Variants in POM121C observed in about 807,000 individuals in gnomAD.
POM121C encodes the protein POM121 transmembrane nucleoporin C.
A neutral mutation model predicts 66.4 loss-of-function variants in POM121C; 20 were observed. The ratio of observed to expected loss-of-function variants is 0.30; its 90% confidence interval spans 0.21 to 0.44. POM121C has a LOEUF of 0.44. Ranked by LOEUF, POM121C falls within the 20% of genes least tolerant of loss-of-function variation. The probability of loss-of-function intolerance (pLI) is 1.00; values close to 1 mark genes in which losing one functional copy is unlikely to be tolerated. For missense variants in POM121C, 580 were observed against 1,225.7 expected (o/e 0.47, Z 7.87); for synonymous variants, 286 against 528.0 (o/e 0.54, Z 6.28).
intron 1 of POM121C, among the ~76,000 whole-genome samples, chr7:75,476,653 T>C (rs1792089575): frequency 6.6e-6 from 1 of 151,616 alleles, no homozygotes; most frequent in Admixed American, 6.6e-5. Context: ...GTTAACTTAG[T>C]CCAGAAGGCA....
At chr7:75,465,544 G>C (rs1352535391) in intron 3 of POM121C, among the ~76,000 whole-genome samples, 6 of 151,600 alleles carry the variant, frequency 4.0e-5, no homozygotes, top group Non-Finnish European at 7.4e-5. Context: ...CATGCGGTCA[G>C]GAGTTCGAGA....
At chr7:75,434,199 C>CA (rs1171471058) in intron 7 of POM121C, among the ~76,000 whole-genome samples, 1 of 152,158 alleles carries the variant, frequency 6.6e-6, no homozygotes, top group Non-Finnish European at 1.5e-5. Flanking sequence ...AACTAAGACT[C>CA]ACGGAAACAG....
intron 3 of POM121C, among the ~76,000 whole-genome samples, chr7:75,457,636 T>C (rs1554476479): frequency 2.7e-5 from 4 of 149,600 alleles, no homozygotes; most frequent in African/African-American, 7.4e-5. Flanking sequence ...CAAGACTGTG[T>C]GGAAGGGCCC....
intron 7 of POM121C, among the ~76,000 whole-genome samples, chr7:75,433,517 A>G (rs13245246): frequency 0.18 from 26,677 of 151,716 alleles, 2,675 homozygotes; most frequent in Middle Eastern, 0.29. Flanking sequence ...CACCACGCCC[A>G]GCTAATTTTT....
rs1790472805 is a variant in POM121C, at chr7:75,437,795, C to T, written c.309-109G>A. 22 of 1,399,754 alleles carry T rather than the reference C, an allele frequency of 1.6e-5. No individual in the cohort carries two copies. In the South Asian group the frequency reaches 3.3e-4, roughly 21 times the overall value. The allele number at this position is 1,399,754 out of a possible 1,614,324, so 86.7% of individuals were successfully genotyped here. A position where few individuals can be genotyped will look rare whatever the true frequency, so the allele number is the denominator to read the frequency against. ...ATAACATGAAGGGAAGAGAATAATG[C>T]TTTTAATTTTTACTGCTAACAATCT... On this transcript the variant is annotated intron_variant, in intron 6 of 14. Coordinates refer to ENST00000615331, the MANE Select transcript of POM121C (RefSeq NM_001099415.3).
At chr7:75,454,211 T>C (rs1554476051) in intron 3 of POM121C, among the ~76,000 whole-genome samples, 1 of 151,460 alleles carries the variant, frequency 6.6e-6, no homozygotes, top group African/African-American at 2.4e-5. Context: ...CTGCAGAAAA[T>C]AGCATCTGCC....
At chr7:75,449,879 G>A (rs1248743858) in intron 3 of POM121C, among the ~76,000 whole-genome samples, 6 of 152,138 alleles carry the variant, frequency 3.9e-5, no homozygotes, top group African/African-American at 1.2e-4. Context: ...GCCAGGCGTG[G>A]TGGCAGGTGC....
At chr7:75,481,905 CAAATCACAGCAATAGT>C (rs1554480179) in intron 1 of POM121C, among the ~76,000 whole-genome samples, 3 of 152,074 alleles carry the variant, frequency 2.0e-5, no homozygotes, top group Admixed American at 6.6e-5. Context: ...CTAATGAAGG[CAAATCACAGCAATAGT>C]AAATCACAGC....
chr7:75,477,949 TG>T (rs1263873363), intron 1 of POM121C, among the ~76,000 whole-genome samples: 11 of 152,152 alleles, frequency 7.2e-5, no homozygotes, highest in East Asian at 3.9e-4. Flanking sequence ...AGCAATGATT[TG>T]TTTTTTTGTT....
In POM121C at chr7:75,418,764, G is replaced by A; in HGVS notation, c.*32C>T. 6.4e-7 allele frequency: 1 copy of A among 1,564,950 alleles called. No individual in the cohort carries two copies. The highest frequency in any genetic ancestry group is 8.6e-7 in the Non-Finnish European group (1 of 1,159,284). On this transcript the variant is annotated 3_prime_UTR_variant, in exon 15 of 15. Coordinates refer to ENST00000615331, the MANE Select transcript of POM121C (RefSeq NM_001099415.3). ...CGTGCCAAGGTCCAGATTTAGGGAAGGGGTGGGGGGAACAGGGACAGGGGA... is the reference window on the plus strand; with the variant it reads ...CGTGCCAAGGTCCAGATTTAGGGAAAGGGTGGGGGGAACAGGGACAGGGGA...
chr7:75,439,720 G>C (rs1398930793), intron 5 of POM121C, among the ~76,000 whole-genome samples: 1 of 152,074 alleles, frequency 6.6e-6, no homozygotes, highest in Non-Finnish European at 1.5e-5. Context: ...AGTCCCATGA[G>C]AGCAGAGATT....
intron 7 of POM121C, among the ~76,000 whole-genome samples, chr7:75,433,004 G>A (rs1471562440): frequency 6.6e-6 from 1 of 152,084 alleles, no homozygotes; most frequent in African/African-American, 2.4e-5. Flanking sequence ...GGAGGCCAGG[G>A]CGGGTGGAAT....
intron 3 of POM121C, among the ~76,000 whole-genome samples, chr7:75,444,810 T>TAA (rs1186006417): frequency 1.5e-5 from 2 of 137,298 alleles, no homozygotes; most frequent in South Asian, 4.7e-4. Flanking sequence ...CAGTCTCTAC[T>TAA]AAAAAAAAAC....
At chr7:75,440,245 C>T (rs1790582829) in intron 5 of POM121C, among the ~76,000 whole-genome samples, 1 of 151,920 alleles carries the variant, frequency 6.6e-6, no homozygotes, top group Non-Finnish European at 1.5e-5. Flanking sequence ...TTTTCTTTCC[C>T]AAGCATTTCC....
Position 75,442,674 on chromosome 7 carries a change from G to T in POM121C, c.-151-1027C>A, listed in dbSNP as rs1454111004. 7.0e-6 allele frequency: 10 copies of T among 1,437,252 alleles called. No homozygotes were observed. The Admixed American group carries it at 8.4e-5, about 12-fold the overall frequency. The allele number at this position is 1,437,252 out of a possible 1,614,324, so 89.0% of individuals were successfully genotyped here. On this transcript the variant is annotated intron_variant, in intron 3 of 14. Coordinates refer to ENST00000615331, the MANE Select transcript of POM121C (RefSeq NM_001099415.3). ...CGGCCGTCCCTGACACTCGCTATCG[G>T]CCGCCGCCGCTCGCCTGCTCCAGCC...
chr7:75,471,692 A>G (rs1791884659), intron 3 of POM121C, among the ~76,000 whole-genome samples: 1 of 152,084 alleles, frequency 6.6e-6, no homozygotes, highest in African/African-American at 2.4e-5. Context: ...GAGCACAGTA[A>G]GTAGGGATGA....
intron 3 of POM121C, among the ~76,000 whole-genome samples, chr7:75,474,156 G>A (rs1434751854): frequency 2.0e-5 from 3 of 152,198 alleles, no homozygotes; most frequent in Admixed American, 6.5e-5. Flanking sequence ...CACTTGGGGA[G>A]GCTGAGGTGG....
intron 3 of POM121C, among the ~76,000 whole-genome samples, chr7:75,468,809 C>T (rs1158602167): frequency 6.6e-6 from 1 of 152,100 alleles, no homozygotes; most frequent in Non-Finnish European, 1.5e-5. Flanking sequence ...ATCGCTTGAG[C>T]CCAGGAGTTT....
At chr7:75,452,879 T>A (rs1398089540) in intron 3 of POM121C, among the ~76,000 whole-genome samples, 1 of 152,204 alleles carries the variant, frequency 6.6e-6, no homozygotes, top group African/African-American at 2.4e-5. Context: ...GTAAAAAGTG[T>A]GGCAGAAACA....
Sources: gnomAD v4.1 joint callset for allele counts (sites outside exome capture counted in the v4.1 genomes callset) on GRCh38, gnomAD v4.1.1 for gene constraint, MANE v1.5 for transcripts, NCBI Gene and HGNC (gene_info 2026-07-23, HGNC 2026-07-21) for gene names.